Variants in ARHGAP15 observed in about 807,000 individuals in gnomAD.
ARHGAP15 encodes the protein rho GTPase-activating protein 15.
A neutral mutation model predicts 63.7 loss-of-function variants in ARHGAP15; 51 were observed. The ratio of observed to expected loss-of-function variants is 0.80; its 90% CI spans 0.64 to 1.01. The LOEUF (loss-of-function observed/expected upper bound fraction) is 1.01. Among genes scored for constraint, ARHGAP15 ranks in the 50% least tolerant of loss-of-function variants. The pLI, the probability that ARHGAP15 is intolerant of heterozygous loss-of-function variation, is 0.00. For synonymous variants in ARHGAP15, 191 were observed against 193.8 expected, an observed-to-expected ratio of 0.99 and a Z score of 0.12; for missense variants, 560 against 564.6, an observed-to-expected ratio of 0.99 and a Z score of 0.08.
At chr2:143,643,057 T>G (rs1398353202) in intron 12 of ARHGAP15, among the ~76,000 whole-genome samples, 3 of 152,214 alleles carry the variant, frequency 2.0e-5, no homozygotes, top group Admixed American at 1.3e-4. Context: ...AACTAATTAA[T>G]TGCGGAGAAT....
chr2:143,648,225 A>G (rs1459989486), intron 12 of ARHGAP15, among the ~76,000 whole-genome samples: 1 of 152,032 alleles, frequency 6.6e-6, no homozygotes, highest in Non-Finnish European at 1.5e-5. Flanking sequence ...GCCTTCTTGT[A>G]TGCATTAATT....
intron 11 of ARHGAP15, among the ~76,000 whole-genome samples, chr2:143,577,514 A>G (rs534374783): frequency 6.6e-6 from 1 of 152,218 alleles, no homozygotes; most frequent in East Asian, 1.9e-4. Context: ...TCTGAAGCTT[A>G]AACAGAATCG....
rs551748464 is a variant in ARHGAP15 at position 143,658,038 on chromosome 2, A to G, written c.1138+33771A>G. 1.1e-4 allele frequency among the ~76,000 whole-genome samples: 16 copies of G among 152,276 alleles called. No individual in the cohort carries two copies. In the South Asian group the frequency reaches 2.9e-3, roughly 28 times the overall value. On this transcript the variant is annotated intron_variant, in intron 12 of 13. Transcript: ENST00000295095. Reference sequence around the variant, plus strand: ...CCTTCAGTAACTACTTTTCTTTCTCATCAGAATCATTTGAAATTGTAATTC... The same window carrying G: ...CCTTCAGTAACTACTTTTCTTTCTCGTCAGAATCATTTGAAATTGTAATTC...
intron 13 of ARHGAP15, among the ~76,000 whole-genome samples, chr2:143,727,658 C>A (rs772368688): frequency 3.3e-5 from 5 of 152,162 alleles, no homozygotes; most frequent in African/African-American, 4.8e-5. Flanking sequence ...ATCGAATGAA[C>A]GGGGCTGTTC....
At chr2:143,462,023 C>T (rs550865190) in intron 8 of ARHGAP15, among the ~76,000 whole-genome samples, 9 of 152,018 alleles carry the variant, frequency 5.9e-5, no homozygotes, top group Admixed American at 4.6e-4. Flanking sequence ...AATGGTGGTG[C>T]GCAGCTACTC....
intron 13 of ARHGAP15, among the ~76,000 whole-genome samples, chr2:143,744,323 T>C (rs1686077073): frequency 6.6e-6 from 1 of 152,242 alleles, no homozygotes. Context: ...GTTATTCTAC[T>C]GACAGTGTTT....
chr2:143,479,769 A>T (rs1427614052), intron 8 of ARHGAP15, among the ~76,000 whole-genome samples: 2 of 152,052 alleles, frequency 1.3e-5, no homozygotes, highest in African/African-American at 4.8e-5. Context: ...GAAAAAAAAA[A>T]TGTCATTGTG....
chr2:143,416,781 T>C (rs535410394), intron 6 of ARHGAP15, among the ~76,000 whole-genome samples: 1 of 151,586 alleles, frequency 6.6e-6, no homozygotes, highest in South Asian at 2.1e-4. Context: ...GCATAGACCC[T>C]GCCTCTGCCC....
intron 1 of ARHGAP15, among the ~76,000 whole-genome samples, chr2:143,153,777 ATCTTCTTCTTCTTCTTCTTCTTCTTCT>A (rs1175995548): frequency 1.9e-4 from 16 of 85,256 alleles, no homozygotes; most frequent in African/African-American, 6.5e-4. Context: ...TATATAATAA[ATCTTCTTCTTCTTCTTCTTCTTCTTCT>A]TCTTCTTCTT....
intron 6 of ARHGAP15, among the ~76,000 whole-genome samples, chr2:143,331,265 G>T (rs1684534944): frequency 6.6e-6 from 1 of 151,884 alleles, no homozygotes; most frequent in Non-Finnish European, 1.5e-5. Context: ...TTGCCTTTAA[G>T]ATCCCTTTTG....
intron 13 of ARHGAP15, among the ~76,000 whole-genome samples, chr2:143,719,710 A>G (rs1249454169): frequency 6.6e-6 from 1 of 152,206 alleles, no homozygotes; most frequent in East Asian, 1.9e-4. Flanking sequence ...TTTTACTGCT[A>G]GTTTACATGT....
intron 9 of ARHGAP15, among the ~76,000 whole-genome samples, chr2:143,490,828 A>G (rs763006650): frequency 6.6e-6 from 1 of 152,026 alleles, no homozygotes; most frequent in Non-Finnish European, 1.5e-5. Flanking sequence ...GGGTTTTGCC[A>G]TGTTGGCCAG....
At chr2:143,728,153 A>G (rs2105477772) in intron 13 of ARHGAP15, among the ~76,000 whole-genome samples, 1 of 152,272 alleles carries the variant, frequency 6.6e-6, no homozygotes, top group African/African-American at 2.4e-5. Flanking sequence ...AGATATCAGC[A>G]GGTTTGTTTT....
intron 6 of ARHGAP15, among the ~76,000 whole-genome samples, chr2:143,272,429 G>C (rs1187847898): frequency 6.6e-6 from 1 of 151,992 alleles, no homozygotes; most frequent in Admixed American, 6.6e-5. Context: ...TCAGGAGTTC[G>C]AGACCAGCTA....
intron 8 of ARHGAP15, among the ~76,000 whole-genome samples, chr2:143,438,744 G>A (rs1017204574): frequency 6.6e-6 from 1 of 152,036 alleles, no homozygotes; most frequent in African/African-American, 2.4e-5. Context: ...ACTTCATATG[G>A]TTTGAGACAT....
At chr2:143,605,858 CAAAAAA>C (rs373847590) in intron 11 of ARHGAP15, among the ~76,000 whole-genome samples, 13,081 of 84,762 alleles carry the variant, frequency 0.15, 557 homozygotes, top group Admixed American at 0.23. Context: ...TACTAAAATA[CAAAAAA>C]AAAAAAAAAA....
At chr2:143,458,343 A>G (rs1160756810) in intron 8 of ARHGAP15, among the ~76,000 whole-genome samples, 3 of 152,188 alleles carry the variant, frequency 2.0e-5, no homozygotes, top group Admixed American at 6.6e-5. Context: ...GTCTGCAGCT[A>G]TAGTGAACGG....
Position 143,768,060 on chromosome 2 carries a change from T to C in ARHGAP15, c.1316T>C (p.Leu439Pro), listed in dbSNP as rs746747941. 1.7e-5 allele frequency: 27 copies of C among 1,613,674 alleles called. No homozygotes were observed. Among genetic ancestry groups the C allele is most frequent in the Non-Finnish European group, 2.1e-5 (25 of 1,179,788 alleles). The change falls in exon 14 of 14, where the codon CTG becomes CCG. Residue 439 changes from leucine (L) to proline (P), a missense_variant. Physicochemically the swap from Leu to Pro is moderately conservative, Grantham distance 98. Coordinates refer to ENST00000295095, the MANE Select transcript of ARHGAP15 (RefSeq NM_018460.4). ...SLGIVFGPTLLRAENETGNMA... is the reference protein window; with the variant it reads ...SLGIVFGPTLPRAENETGNMA... ...GGGATTGTATTTGGACCTACCCTTCTGCGAGCTGAAAATGAAACAGGAAAC... is the reference window on the plus strand; with the variant it reads ...GGGATTGTATTTGGACCTACCCTTCCGCGAGCTGAAAATGAAACAGGAAAC...
At chr2:143,219,473 C>T (rs1334585842) in intron 4 of ARHGAP15, among the ~76,000 whole-genome samples, 3 of 152,212 alleles carry the variant, frequency 2.0e-5, no homozygotes, top group African/African-American at 7.2e-5. Context: ...CAGCTGTGGA[C>T]ATCTAAGTTG....
Sources: gnomAD v4.1 joint callset for allele counts (sites outside exome capture counted in the v4.1 genomes callset) on GRCh38, gnomAD v4.1.1 for gene constraint, MANE v1.5 for transcripts, NCBI Gene and HGNC (gene_info 2026-07-23, HGNC 2026-07-21) for gene names.